The following STK39 variants were observed in gnomAD, a reference collection of about 807,000 sequenced individuals.
The protein encoded by STK39 is serine/threonine kinase 39.
A neutral mutation model predicts 77.8 loss-of-function variants in STK39; 20 were observed. That is an observed-to-expected ratio of 0.26 (90% CI 0.18 to 0.37). The LOEUF is 0.37. STK39 is among the 10% of genes least tolerant of loss of function. The pLI, the probability that STK39 is intolerant of heterozygous loss-of-function variation, is 1.00. For synonymous variants in STK39, 246 were observed against 234.1 expected (o/e 1.05, Z -0.47); for missense variants, 479 against 656.5 (o/e 0.73, Z 2.95).
intron 10 of STK39, among the ~76,000 whole-genome samples, chr2:168,110,816 T>C (rs1421255683): frequency 6.6e-6 from 1 of 152,206 alleles, no homozygotes; most frequent in East Asian, 1.9e-4. Flanking sequence ...AAAACCTTTG[T>C]GGAAAGTCTA....
intron 15 of STK39, among the ~76,000 whole-genome samples, chr2:168,016,835 C>T (rs138552674): frequency 1.2e-3 from 185 of 152,208 alleles, no homozygotes; most frequent in African/African-American, 3.4e-3. Flanking sequence ...TATACTGTGC[C>T]GCATGTGTCA....
At chr2:168,107,635 C>G (rs1002970373) in intron 10 of STK39, among the ~76,000 whole-genome samples, 1 of 152,118 alleles carries the variant, frequency 6.6e-6, no homozygotes, top group African/African-American at 2.4e-5. Flanking sequence ...AGACACAGAC[C>G]ACCCCATAAA....
At chr2:168,146,292 G>A (rs1215765027) in intron 5 of STK39, among the ~76,000 whole-genome samples, 1 of 152,192 alleles carries the variant, frequency 6.6e-6, no homozygotes, top group African/African-American at 2.4e-5. Flanking sequence ...AAACCTGTAA[G>A]GGAAGCTGTG....
intron 5 of STK39, among the ~76,000 whole-genome samples, chr2:168,156,245 C>G (rs976155360): frequency 1.3e-5 from 2 of 152,178 alleles, no homozygotes; most frequent in African/African-American, 4.8e-5. Flanking sequence ...GAAAGGGGAA[C>G]CCTGAACAAG....
intron 1 of STK39, among the ~76,000 whole-genome samples, chr2:168,241,827 T>C (rs1273659776): frequency 6.6e-6 from 1 of 152,240 alleles, no homozygotes; most frequent in African/African-American, 2.4e-5. Context: ...TTACATTCTC[T>C]CATTCCTCAC....
intron 2 of STK39, among the ~76,000 whole-genome samples, chr2:168,170,971 C>T (rs1688809136): frequency 6.6e-6 from 1 of 152,194 alleles, no homozygotes; most frequent in Non-Finnish European, 1.5e-5. Flanking sequence ...AACTACAGAA[C>T]TCTGAAATGC....
At chr2:168,136,982 T>C (rs189067741) in intron 8 of STK39, among the ~76,000 whole-genome samples, 1 of 152,022 alleles carries the variant, frequency 6.6e-6, no homozygotes, top group Non-Finnish European at 1.5e-5. Context: ...ATGAGAAAAG[T>C]GATTGATATG....
intron 16 of STK39, among the ~76,000 whole-genome samples, chr2:168,000,276 A>G (rs1405951040): frequency 6.6e-6 from 1 of 152,204 alleles, no homozygotes; most frequent in East Asian, 1.9e-4. Flanking sequence ...AAAGTTCATC[A>G]TGAAAAAAAT....
intron 1 of STK39, among the ~76,000 whole-genome samples, chr2:168,244,006 T>C (rs1407036929): frequency 6.6e-6 from 1 of 152,104 alleles, no homozygotes; most frequent in African/African-American, 2.4e-5. Context: ...GACAGAAATA[T>C]TTGAAATCTA....
At chr2:168,093,844 G>A (rs967212490) in intron 10 of STK39, among the ~76,000 whole-genome samples, 1 of 152,128 alleles carries the variant, frequency 6.6e-6, no homozygotes, top group South Asian at 2.1e-4. Context: ...TGTGGGTGGT[G>A]GGGGGAAAGC....
intron 13 of STK39, 97 bp downstream of exon 13, chr2:168,065,222 G>T: frequency 7.8e-7 from 1 of 1,284,518 alleles, no homozygotes; most frequent in Non-Finnish European, 1.1e-6. Flanking sequence ...TGATTTGGAG[G>T]CACTACCTTG....
intron 16 of STK39, among the ~76,000 whole-genome samples, chr2:167,970,451 G>A (rs1692302219): frequency 6.6e-6 from 1 of 152,032 alleles, no homozygotes; most frequent in African/African-American, 2.4e-5. Context: ...TATCCTCAAG[G>A]CCCTCTCCCC....
At position 167,954,398 on chromosome 2, in the gene STK39, A is replaced by G. The variant is rs1691712747; in HGVS notation, c.*1098T>C. On this transcript the variant is annotated 3_prime_UTR_variant, in exon 18 of 18. Coordinates refer to ENST00000355999, the MANE Select transcript of STK39 (RefSeq NM_013233.3). ...GATTCTTGAACCTTAACAGCGTTTT[A>G]CCTTTTAGTCATTGCACAAAACCCT... 6.6e-6 allele frequency: 1 copy of G among 152,624 alleles called. No homozygotes were observed. Among genetic ancestry groups the G allele is most frequent in the Non-Finnish European group, 1.5e-5 (1 of 68,018 alleles). 9.5% of individuals were successfully genotyped at this position (152,624 alleles called of 1,614,324 possible). A position where few individuals can be genotyped will look rare whatever the true frequency, so the allele number is the denominator to read the frequency against.
intron 16 of STK39, among the ~76,000 whole-genome samples, chr2:167,990,773 G>A (rs150740439): frequency 6.0e-4 from 92 of 152,316 alleles, no homozygotes; most frequent in African/African-American, 2.2e-3. Flanking sequence ...TTTATCGGAT[G>A]TCTACTAGGC....
At chr2:167,966,707 T>C (rs377476516) in intron 16 of STK39, among the ~76,000 whole-genome samples, 1 of 152,044 alleles carries the variant, frequency 6.6e-6, no homozygotes. Context: ...TAAACAATCA[T>C]CCCAGAAACC....
rs1444600219 is a variant in STK39, at chr2:168,109,988, GTCTT to G, written c.1089+19549_1089+19552del. On this transcript the variant is annotated intron_variant, in intron 10 of 17. Coordinates refer to ENST00000355999, the MANE Select transcript of STK39 (RefSeq NM_013233.3). ...AATGTCTTTTCCCAGTTTGAGGTTT[GTCTT>G]TCTATTACATTAACGGTATCCTCTG... is the stretch of plus-strand genomic sequence containing the variant. Among the ~76,000 whole-genome samples, 6 of 152,210 alleles carry G rather than the reference GTCTT, an allele frequency of 3.9e-5. No individual in the cohort carries two copies. The South Asian group carries it at 1.0e-3, about 26-fold the overall frequency.
chr2:168,011,688 C>T (rs753596916), intron 16 of STK39, among the ~76,000 whole-genome samples: 37 of 152,140 alleles, frequency 2.4e-4, no homozygotes, highest in Non-Finnish European at 3.4e-4. Context: ...TTGCTCCCAT[C>T]AGCAGGCCTA....
intron 10 of STK39, among the ~76,000 whole-genome samples, chr2:168,127,714 T>C (rs1252698891): frequency 6.6e-6 from 1 of 152,240 alleles, no homozygotes; most frequent in East Asian, 1.9e-4. Flanking sequence ...TTTTGTTTAA[T>C]TTTGGAAACC....
chr2:168,012,824 C>A lies in STK39; in HGVS notation c.1430-122G>T, dbSNP rs1684304604. On this transcript the variant is annotated intron_variant, in intron 15 of 17. Coordinates refer to ENST00000355999, the MANE Select transcript of STK39 (RefSeq NM_013233.3). ...GCCCATGAGTTTTAATTCAACAATT[C>A]AGACTCTATCAGGAGAAAATCAGAA... is the stretch of plus-strand genomic sequence containing the variant. The A allele has an allele frequency of 7.9e-6, 5 of 631,520 alleles. No homozygotes were observed. The East Asian group carries it at 1.7e-4, about 22-fold the overall frequency. 39.1% of individuals were successfully genotyped at this position (631,520 alleles called of 1,614,324 possible).
Sources: allele counts gnomAD v4.1 joint callset (sites outside exome capture counted in the v4.1 genomes callset), GRCh38; gene constraint gnomAD v4.1.1; transcripts MANE v1.5; gene names NCBI Gene and HGNC (gene_info 2026-07-23, HGNC 2026-07-21).